The following TCAF2 variants were observed in gnomAD, a reference collection of about 807,000 sequenced individuals.
TCAF2 encodes TRPM8 channel-associated factor 2.
TCAF2 carries 6 observed loss-of-function variants against 33.9 expected under a neutral mutation model. The ratio of observed to expected loss-of-function variants is 0.18; its 90% CI spans 0.10 to 0.35. The LOEUF is 0.35. Ranked by LOEUF, TCAF2 falls within the 10% of genes least tolerant of loss-of-function variation. The pLI is 1.00. For missense variants in TCAF2, 109 were observed against 604.0 expected, an observed-to-expected ratio of 0.18 and a Z score of 8.59; for synonymous variants, 41 against 247.8, an observed-to-expected ratio of 0.17 and a Z score of 7.84.
chr7:143,646,587 G>A lies in TCAF2; in HGVS notation c.-12+25567G>A. The A allele has an allele frequency of 8.7e-6, 3 of 345,440 alleles. 1 individual carries two copies. Among genetic ancestry groups the A allele is most frequent in the Non-Finnish European group, 1.1e-5 (3 of 279,392 alleles). The allele number at this position is 345,440 out of a possible 1,614,324, so 21.4% of individuals were successfully genotyped here. On this transcript the variant is annotated intron_variant, in intron 1 of 7. Transcript: ENST00000684770. ...AGGGTAGGTACCTGCAATGTCCTGT[G>A]TAGTGTCAGCCAATCCCACTTTCCC... is the stretch of plus-strand genomic sequence containing the variant.
rs773671112 is a variant in TCAF2 at position 143,724,562 on chromosome 7, C to T, written c.2370C>T (p.Val790=). 3 of 1,610,960 alleles carry T rather than the reference C, an allele frequency of 1.9e-6. No individual in the cohort carries two copies. The highest frequency in any genetic ancestry group is 1.1e-5 in the South Asian group (1 of 90,940). The change falls in exon 7 of 8, where the codon GTC becomes GTT. Residue 790 remains valine, a synonymous_variant. Coordinates refer to ENST00000684770, the MANE Select transcript of TCAF2 (RefSeq NM_001363538.2). Reference sequence around the variant, plus strand: ...GGTCAGTCTACGTGCATGAAACAGTCCTGGGGATCCCCAGGGCTCAGGCCC... The same window carrying T: ...GGTCAGTCTACGTGCATGAAACAGTTCTGGGGATCCCCAGGGCTCAGGCCC... ...NLWSVYVHET[V]LGIPRAQAHE... is the part of the protein sequence containing the mutation.
rs1441051956 is a variant in TCAF2 at position 143,701,759 on chromosome 7, T to C, written c.-11-1225T>C. Among the ~76,000 whole-genome samples the C allele has an allele frequency of 4.4e-5, 4 of 90,800 alleles. 1 individual carries two copies. Among genetic ancestry groups the C allele is most frequent in the African/African-American group, 1.7e-4 (4 of 24,040 alleles). 59.6% of individuals were successfully genotyped at this position (90,800 alleles called of 152,430 possible). On this transcript the variant is annotated intron_variant, in intron 1 of 7. Transcript: ENST00000684770. Reference sequence around the variant, plus strand: ...GACATATTCTTTGCTTTATTTTATTTTACTTTATTTTATTTTATTTTATTT... The same window carrying C: ...GACATATTCTTTGCTTTATTTTATTCTACTTTATTTTATTTTATTTTATTT...
rs1390174904 is a variant in TCAF2, at chr7:143,724,477, A to G, written c.2285A>G (p.Asn762Ser). ...GGCCCCATCCATGAGCTGGGCCACA[A>G]CCAACAGCGGCATGGATGGGAGTTC... is the stretch of plus-strand genomic sequence containing the variant. The part of the protein sequence containing the change: ...VWGPIHELGH[N>S]QQRHGWEFPP... The change falls in exon 7 of 8, where the codon AAC becomes AGC. Residue 762 changes from asparagine (N) to serine (S), a missense_variant. Asn to Ser is a conservative substitution (Grantham distance 46). Coordinates refer to ENST00000684770, the MANE Select transcript of TCAF2 (RefSeq NM_001363538.2). 2.5e-6 allele frequency: 4 copies of G among 1,611,112 alleles called. No homozygotes were observed. Among genetic ancestry groups the G allele is most frequent in the South Asian group, 1.1e-5 (1 of 90,958 alleles).
chr7:143,634,961 C>T (rs909520101), intron 1 of TCAF2, among the ~76,000 whole-genome samples: 1 of 129,712 alleles, frequency 7.7e-6, no homozygotes, highest in African/African-American at 3.0e-5. Flanking sequence ...TTTTTTACAG[C>T]ATCTGATCAA....
At position 143,724,355 on chromosome 7, in the gene TCAF2, C is replaced by T. The variant is rs1264780853; in HGVS notation, c.2168-5C>T. The T allele has an allele frequency of 6.4e-7, 1 of 1,564,950 alleles. No homozygotes were observed. Among genetic ancestry groups the T allele is most frequent in the Admixed American group, 1.7e-5 (1 of 57,676 alleles). On this transcript the variant is annotated splice_region_variant and splice_polypyrimidine_tract_variant and intron_variant, in intron 6 of 7. Transcript: ENST00000684770. ...AATGCTCATCTCTTCCTTCTGTGTT[C>T]CCAGGCTGGATGCATTCAGGATACC...
intron 1 of TCAF2, among the ~76,000 whole-genome samples, chr7:143,647,956 G>A (rs1191578919): frequency 2.3e-5 from 3 of 129,644 alleles, no homozygotes; most frequent in Admixed American, 8.4e-5. Flanking sequence ...GTTTCGCTCT[G>A]TCGCCAGGCT....
At chr7:143,622,578 C>CTTT (rs1808783662) in intron 1 of TCAF2, among the ~76,000 whole-genome samples, 1 of 36,768 alleles carries the variant, frequency 2.7e-5, no homozygotes, top group Non-Finnish European at 6.3e-5. Context: ...TTTTACTTTA[C>CTTT]TTTATTTTAT....
rs374072127 is a variant in TCAF2 at position 143,724,464 on chromosome 7, G to A, written c.2272G>A (p.Glu758Lys). The A allele has an allele frequency of 2.2e-5, 35 of 1,610,830 alleles. No homozygotes were observed. In the African/African-American group the frequency reaches 4.0e-4, roughly 18 times the overall value. ...RSRGVWGPIHELGHNQQRHGW... is the reference protein window; with the variant it reads ...RSRGVWGPIHKLGHNQQRHGW... ...CAGGGGTGTGTGGGGCCCCATCCAT[G>A]AGCTGGGCCACAACCAACAGCGGCA... Residue 758 changes from glutamate (E) to lysine (K), a missense_variant, in exon 7 of 8, where the codon GAG becomes AAG. By Grantham distance (56) the Glu-to-Lys change is moderately conservative (BLOSUM62 1). Transcript: ENST00000684770.
chr7:143,633,359 T>TAAA, intron 1 of TCAF2, among the ~76,000 whole-genome samples: 1 of 116,490 alleles, frequency 8.6e-6, no homozygotes, highest in South Asian at 2.7e-4. Context: ...TACTAGTGGC[T>TAAA]TAGGTTTATG....
Position 143,724,351 on chromosome 7 carries a change from T to C in TCAF2, c.2168-9T>C. ...CCTCAATGCTCATCTCTTCCTTCTG[T>C]GTTCCCAGGCTGGATGCATTCAGGA... On this transcript the variant is annotated splice_polypyrimidine_tract_variant and intron_variant, in intron 6 of 7. Transcript: ENST00000684770. 6.4e-7 allele frequency: 1 copy of C among 1,557,260 alleles called. No individual in the cohort carries two copies. Among genetic ancestry groups the C allele is most frequent in the South Asian group, 1.1e-5 (1 of 88,554 alleles).
chr7:143,719,425 A>AAAG (rs1554472760), intron 2 of TCAF2, among the ~76,000 whole-genome samples: 1 of 53,708 alleles, frequency 1.9e-5, no homozygotes, highest in East Asian at 6.3e-4. Flanking sequence ...AGAAAGAAAG[A>AAAG]AAAGAAAGAA....
Position 143,729,023 on chromosome 7 carries a change from C to T in TCAF2, c.*1356C>T, listed in dbSNP as rs1483514448. 1 of 152,110 alleles carries T rather than the reference C, an allele frequency of 6.6e-6. No individual in the cohort carries two copies. Among genetic ancestry groups the T allele is most frequent in the East Asian group, 1.9e-4 (1 of 5,188 alleles). 9.4% of individuals were successfully genotyped at this position (152,110 alleles called of 1,614,324 possible). Reference sequence around the variant, plus strand: ...ACAAATTCCCAATTCTAGATAATTTCCTTTTATTTCTCTAGTACCCTTTGC... The same window carrying T: ...ACAAATTCCCAATTCTAGATAATTTTCTTTTATTTCTCTAGTACCCTTTGC... On this transcript the variant is annotated 3_prime_UTR_variant, in exon 8 of 8. Transcript: ENST00000684770.
At chr7:143,719,560 A>G in intron 2 of TCAF2, 123 bp from the exon 3 acceptor site, 1 of 807,338 alleles carries the variant, frequency 1.2e-6, no homozygotes, top group Non-Finnish European at 2.0e-6. Context: ...CATTAGTAAG[A>G]ATGTGAAGAT....
intron 2 of TCAF2, among the ~76,000 whole-genome samples, chr7:143,708,237 A>C (rs2049455): frequency 1.4e-4 from 9 of 63,704 alleles, no homozygotes; most frequent in South Asian, 1.9e-3. Context: ...CAAACTGAGG[A>C]CAGCCCCTGT....
Position 143,728,600 on chromosome 7 carries a change from T to C in TCAF2, c.*933T>C, listed in dbSNP as rs1411493260. The C allele has an allele frequency of 6.6e-6, 1 of 152,200 alleles. No homozygotes were observed. Among genetic ancestry groups the C allele is most frequent in the African/African-American group, 2.4e-5 (1 of 41,434 alleles). The allele number at this position is 152,200 out of a possible 1,614,324, so 9.4% of individuals were successfully genotyped here. A position where few individuals can be genotyped will look rare whatever the true frequency, so the allele number is the denominator to read the frequency against. ...CTAAGTCTATATGCCCATTCGTTCA[T>C]ACCACAAAACAGGCATCTGACTCCT... On this transcript the variant is annotated 3_prime_UTR_variant, in exon 8 of 8. Coordinates refer to ENST00000684770, the MANE Select transcript of TCAF2 (RefSeq NM_001363538.2).
At chr7:143,628,110 C>CA (rs1237202176) in intron 1 of TCAF2, among the ~76,000 whole-genome samples, 1,003 of 9,516 alleles carry the variant, frequency 0.11, 99 homozygotes, top group Non-Finnish European at 0.14. Context: ...GACTCTGTCT[C>CA]AAAAAAAAAA....
At chr7:143,725,275 ATAG>A (rs1164111401) in intron 7 of TCAF2, among the ~76,000 whole-genome samples, 3 of 146,936 alleles carry the variant, frequency 2.0e-5, no homozygotes, top group Non-Finnish European at 3.0e-5. Context: ...AGTCAACCCA[ATAG>A]TAGAACACTG....
At position 143,730,196 on chromosome 7, in the gene TCAF2, A is replaced by G. The variant is rs1196337673; in HGVS notation, c.*2529A>G. The G allele has an allele frequency of 1.3e-5, 2 of 152,116 alleles. No homozygotes were observed. Among genetic ancestry groups the G allele is most frequent in the Non-Finnish European group, 2.9e-5 (2 of 68,020 alleles). The allele number at this position is 152,116 out of a possible 1,614,324, so 9.4% of individuals were successfully genotyped here. ...AGGAATCATCACATTGTCTTCCACAATGGTTGAACTAATTTACACTCCCAA... is the reference window on the plus strand; with the variant it reads ...AGGAATCATCACATTGTCTTCCACAGTGGTTGAACTAATTTACACTCCCAA... On this transcript the variant is annotated 3_prime_UTR_variant, in exon 8 of 8. Transcript: ENST00000684770.
chr7:143,725,515 G>A (rs1586691501), intron 7 of TCAF2, among the ~76,000 whole-genome samples: 1 of 151,508 alleles, frequency 6.6e-6, no homozygotes, highest in Admixed American at 6.6e-5. Flanking sequence ...CCCCATTTAA[G>A]TGAAGGACCT....
Sources: allele counts gnomAD v4.1 joint callset (sites outside exome capture counted in the v4.1 genomes callset), GRCh38; gene constraint gnomAD v4.1.1; transcripts MANE v1.5; gene names NCBI Gene and HGNC (gene_info 2026-07-23, HGNC 2026-07-21).